MTREX: variants seen among roughly 807,000 people sequenced by gnomAD.
MTREX encodes exosome RNA helicase MTR4.
Under a neutral mutation model 135.4 loss-of-function variants are expected in MTREX, and 76 were observed. That is an observed-to-expected ratio of 0.56 (90% CI 0.47 to 0.68). The LOEUF is 0.68. MTREX is among the 30% of genes least tolerant of loss of function. The pLI is 0.00. For synonymous variants in MTREX, 404 were observed against 401.6 expected (o/e 1.01, Z -0.07); for missense variants, 920 against 1,262.1 (o/e 0.73, Z 4.11).
At chr5:55,395,849 C>T (rs762124135) in intron 19 of MTREX, among the ~76,000 whole-genome samples, 2 of 152,130 alleles carry the variant, frequency 1.3e-5, no homozygotes, top group Non-Finnish European at 2.9e-5. Flanking sequence ...AACTGGGGAA[C>T]TGTTCCAGAT....
chr5:55,342,883 C>G (rs1388582521), intron 7 of MTREX, among the ~76,000 whole-genome samples: 2 of 152,128 alleles, frequency 1.3e-5, no homozygotes, highest in Non-Finnish European at 2.9e-5. Flanking sequence ...ACGGTTTTAT[C>G]TTTCATCAAG....
chr5:55,360,169 T>C (rs767669418), intron 15 of MTREX, among the ~76,000 whole-genome samples: 2 of 152,228 alleles, frequency 1.3e-5, no homozygotes, highest in Non-Finnish European at 2.9e-5. Flanking sequence ...TTGTCTGTTG[T>C]GGACATTTCA....
intron 22 of MTREX, among the ~76,000 whole-genome samples, chr5:55,406,049 A>C (rs534046699): frequency 6.6e-6 from 1 of 152,348 alleles, no homozygotes; most frequent in African/African-American, 2.4e-5. Context: ...TTACGTGCAT[A>C]GCAAATTGTA....
intron 1 of MTREX, among the ~76,000 whole-genome samples, chr5:55,319,311 A>G (rs572675711): frequency 1.3e-5 from 2 of 152,346 alleles, no homozygotes; most frequent in South Asian, 2.1e-4. Context: ...ATAATTCTAT[A>G]TAGGATTAAG....
chr5:55,389,771 A>AT (rs1750536448), intron 19 of MTREX, among the ~76,000 whole-genome samples: 1 of 152,174 alleles, frequency 6.6e-6, no homozygotes, highest in Non-Finnish European at 1.5e-5. Flanking sequence ...TAATGACAAA[A>AT]GGCATGAAAC....
rs147691375 is a variant in MTREX, at chr5:55,309,466, T to G, written c.134+1319T>G. Among the ~76,000 whole-genome samples, 432 of 152,108 alleles carry G rather than the reference T, an allele frequency of 2.8e-3. 1 individual carries two copies. The highest frequency in any genetic ancestry group is 1.0e-2 in the African/African-American group (413 of 41,496). ...TTGTAAAGATGAAAAGAACCTCAACTCAGGCAGTGGCAGAGGAATGGAAAG... is the reference window on the plus strand; with the variant it reads ...TTGTAAAGATGAAAAGAACCTCAACGCAGGCAGTGGCAGAGGAATGGAAAG... On this transcript the variant is annotated intron_variant, in intron 1 of 26. Transcript: ENST00000230640.
intron 23 of MTREX, among the ~76,000 whole-genome samples, chr5:55,413,430 G>GCAAC: frequency 1.3e-5 from 2 of 151,724 alleles, no homozygotes; most frequent in Non-Finnish European, 2.9e-5. Flanking sequence ...TTTTTGTACA[G>GCAAC]TACCTTTGTC....
intron 16 of MTREX, among the ~76,000 whole-genome samples, chr5:55,373,339 A>T (rs1447877872): frequency 1.3e-5 from 2 of 151,542 alleles, no homozygotes; most frequent in Admixed American, 6.6e-5. Context: ...TTTTTGTTTA[A>T]TTATATATAG....
intron 5 of MTREX, chr5:55,329,389 G>A (rs1021943252): frequency 6.6e-6 from 1 of 151,506 alleles, no homozygotes; most frequent in Non-Finnish European, 1.5e-5. Context: ...AAATAGGCTG[G>A]TCTCAAACTC....
At chr5:55,371,250 G>A (rs1378802641) in intron 16 of MTREX, among the ~76,000 whole-genome samples, 1 of 152,146 alleles carries the variant, frequency 6.6e-6, no homozygotes, top group African/African-American at 2.4e-5. Context: ...TGCTCAGTAA[G>A]TGCTTGTTGC....
At position 55,375,993 on chromosome 5, in the gene MTREX, G is replaced by A. The variant is rs1750294639; in HGVS notation, c.1811-2321G>A. On this transcript the variant is annotated intron_variant, in intron 16 of 26. Transcript: ENST00000230640. ...GATTTTGACACAGGATTCCTTGACTGGTCTGGCACACTAAAAACAAGCCGA... is the reference window on the plus strand; with the variant it reads ...GATTTTGACACAGGATTCCTTGACTAGTCTGGCACACTAAAAACAAGCCGA... Among the ~76,000 whole-genome samples the A allele has an allele frequency of 2.0e-5, 3 of 152,264 alleles. No individual in the cohort carries two copies. In the South Asian group the frequency reaches 6.2e-4, roughly 32 times the overall value.
chr5:55,399,161 A>G (rs230794), intron 20 of MTREX, among the ~76,000 whole-genome samples: 130,704 of 152,144 alleles, frequency 0.86, 56,529 homozygotes, highest in South Asian at 0.92. Context: ...GGGCAGACAT[A>G]TATCCTGAAA....
chr5:55,352,127 C>T (rs2112070947), intron 13 of MTREX, among the ~76,000 whole-genome samples: 1 of 151,976 alleles, frequency 6.6e-6, no homozygotes, highest in East Asian at 1.9e-4. Flanking sequence ...TTAAGTGATC[C>T]TCCCACCTCA....
chr5:55,407,075 T>A (rs929496907), intron 22 of MTREX, among the ~76,000 whole-genome samples: 3 of 152,236 alleles, frequency 2.0e-5, no homozygotes, highest in African/African-American at 7.2e-5. Flanking sequence ...AAGACACTTT[T>A]GAAACAGTTT....
intron 1 of MTREX, among the ~76,000 whole-genome samples, chr5:55,308,734 A>G (rs1749032512): frequency 6.6e-6 from 1 of 152,200 alleles, no homozygotes; most frequent in African/African-American, 2.4e-5. Flanking sequence ...AAAAATTTAA[A>G]AATTACTGGA....
chr5:55,376,115 C>A (rs138448120), intron 16 of MTREX, among the ~76,000 whole-genome samples: 27 of 152,322 alleles, frequency 1.8e-4, no homozygotes, highest in African/African-American at 5.3e-4. Flanking sequence ...TTTTCTGCCA[C>A]CTGATCTAAC....
intron 6 of MTREX, among the ~76,000 whole-genome samples, 199 bp from the exon 7 acceptor site, chr5:55,341,472 TATACAATATA>T (rs1749648497): frequency 6.6e-6 from 1 of 152,168 alleles, no homozygotes; most frequent in Admixed American, 6.5e-5. Context: ...AGAAAAGGAA[TATACAATATA>T]ATATACAACA....
chr5:55,410,226 A>C (rs1750865145), intron 22 of MTREX, among the ~76,000 whole-genome samples: 1 of 152,192 alleles, frequency 6.6e-6, no homozygotes, highest in Admixed American at 6.5e-5. Flanking sequence ...CTAGAAAATA[A>C]ATGACAGTGA....
chr5:55,366,660 G>C, intron 15 of MTREX, 65 bp from the exon 16 acceptor site: 8 of 1,258,402 alleles, frequency 6.4e-6, no homozygotes, highest in Non-Finnish European at 8.7e-6. Flanking sequence ...CATTATAGTA[G>C]GTTAAAGGTA....
Sources: gnomAD v4.1 joint callset for allele counts (sites outside exome capture counted in the v4.1 genomes callset) on GRCh38, gnomAD v4.1.1 for gene constraint, MANE v1.5 for transcripts, NCBI Gene and HGNC (gene_info 2026-07-23, HGNC 2026-07-21) for gene names.